PRPF3: variants seen among roughly 807,000 people sequenced by gnomAD.
The protein encoded by PRPF3 is U4/U6 small nuclear ribonucleoprotein Prp3.
PRPF3 carries 3 observed loss-of-function variants against 89.2 expected under a neutral mutation model. The ratio of observed to expected loss-of-function variants is 0.03; its 90% CI spans 0.02 to 0.09. The LOEUF is 0.09. PRPF3 is among the 10% of genes least tolerant of loss of function. The pLI is 1.00. For synonymous variants in PRPF3, 270 were observed against 289.1 expected (o/e 0.93, Z 0.67); for missense variants, 463 against 828.8 (o/e 0.56, Z 5.42).
At chr1:150,321,788 G>A (rs187370593) in intron 1 of PRPF3, among the ~76,000 whole-genome samples, 196 bp downstream of exon 1, 1 of 152,140 alleles carries the variant, frequency 6.6e-6, no homozygotes, top group East Asian at 1.9e-4. Context: ...AGACCGGGTT[G>A]GGAGACCAGC....
intron 4 of PRPF3, among the ~76,000 whole-genome samples, chr1:150,329,196 A>C (rs1448510578): frequency 1.3e-5 from 2 of 151,638 alleles, no homozygotes; most frequent in Non-Finnish European, 2.9e-5. Context: ...CGCCTGGCTA[A>C]TTTTTGTATT....
chr1:150,349,411 GTATT>G (rs1488340656), intron 15 of PRPF3, among the ~76,000 whole-genome samples, 193 bp downstream of exon 15: 2 of 152,184 alleles, frequency 1.3e-5, no homozygotes, highest in African/African-American at 4.8e-5. Flanking sequence ...AAATTCGTGA[GTATT>G]TAGTATATGC....
At chr1:150,341,124 A>G (rs1343807333) in intron 9 of PRPF3, among the ~76,000 whole-genome samples, 6 of 149,682 alleles carry the variant, frequency 4.0e-5, no homozygotes, top group African/African-American at 1.5e-4. Context: ...AAAAAAAAAA[A>G]AAAGAAGAAA....
chr1:150,341,406 T>TC (rs1657707115), intron 9 of PRPF3, among the ~76,000 whole-genome samples: 1 of 145,986 alleles, frequency 6.8e-6, no homozygotes, highest in African/African-American at 2.5e-5. Context: ...TTCTATTTTT[T>TC]TTTTTTTTTT....
In PRPF3 at chr1:150,338,495, G is replaced by GTATTTTTTTTTTTTT. The variant is rs1467846345; in HGVS notation, c.1202+170_1202+171insATTTTTTTTTTTTTT. Reference sequence around the variant, plus strand: ...GATAAGTAACTGTACACAAGGTCCTGTTATTTTTTTTTTTTTTTTTTTTGA... The same window carrying GTATTTTTTTTTTTTT: ...GATAAGTAACTGTACACAAGGTCCTGTATTTTTTTTTTTTTTTATTTTTTTTTTTTTTTTTTTTGA... On this transcript the variant is annotated intron_variant, in intron 8 of 15. Coordinates refer to ENST00000324862, the MANE Select transcript of PRPF3 (RefSeq NM_004698.4). 8.4e-5 allele frequency among the ~76,000 whole-genome samples: 3 copies of GTATTTTTTTTTTTTT among 35,760 alleles called. 1 individual carries two copies. The highest frequency in any genetic ancestry group is 1.7e-4 in the Non-Finnish European group (3 of 17,264). 23.5% of individuals were successfully genotyped at this position (35,760 alleles called of 152,430 possible).
intron 15 of PRPF3, among the ~76,000 whole-genome samples, chr1:150,351,434 T>C (rs1306150247): frequency 1.3e-5 from 2 of 152,180 alleles, no homozygotes; most frequent in Non-Finnish European, 2.9e-5. Flanking sequence ...ACAAATTAGA[T>C]GATAATAACC....
intron 1 of PRPF3, among the ~76,000 whole-genome samples, chr1:150,321,797 G>A (rs1655073639): frequency 6.6e-6 from 1 of 152,076 alleles, no homozygotes; most frequent in African/African-American, 2.4e-5. Context: ...TGGGAGACCA[G>A]CTCTGGGGTG....
intron 3 of PRPF3, among the ~76,000 whole-genome samples, chr1:150,327,100 C>T (rs1321390575): frequency 6.8e-6 from 1 of 147,572 alleles, no homozygotes; most frequent in Admixed American, 6.9e-5. Context: ...GTGAGTCTCA[C>T]TCTGTCGCCC....
At chr1:150,340,575 A>G (rs1385048563) in intron 9 of PRPF3, 98 bp downstream of exon 9, 6 of 898,952 alleles carry the variant, frequency 6.7e-6, no homozygotes, top group Non-Finnish European at 1.1e-5. Flanking sequence ...TGTTCAATAC[A>G]ATAGCCACTA....
At chr1:150,325,727 T>A in intron 2 of PRPF3, 24 bp from the exon 3 acceptor site, 1 of 1,609,166 alleles carries the variant, frequency 6.2e-7, no homozygotes, top group South Asian at 1.1e-5. Flanking sequence ...TTTCCAACCC[T>A]ACCACCGCCT....
rs146995242 is a variant in PRPF3 at position 150,332,761 on chromosome 1, A to G, written c.501A>G (p.Thr167=). ...KKQLSFISPP[T]PQPKTPSSSQ... Reference sequence around the variant, plus strand: ...AGCTGAGCTTCATTAGCCCCCCTACACCTCAGGTATTGTGTCTAGATTACT... The same window carrying G: ...AGCTGAGCTTCATTAGCCCCCCTACGCCTCAGGTATTGTGTCTAGATTACT... The change falls in exon 5 of 16, where the codon ACA becomes ACG. Residue 167 remains threonine (T), a synonymous_variant. Transcript: ENST00000324862. 2.9e-4 allele frequency: 469 copies of G among 1,613,764 alleles called. No homozygotes were observed. Among genetic ancestry groups the G allele is most frequent in the Non-Finnish European group, 3.9e-4 (457 of 1,179,846 alleles).
intron 12 of PRPF3, among the ~76,000 whole-genome samples, 191 bp downstream of exon 12, chr1:150,344,738 A>G (rs1658111432): frequency 6.8e-6 from 1 of 146,200 alleles, no homozygotes; most frequent in African/African-American, 2.6e-5. Context: ...GTTTATGGTT[A>G]CCCAGTTCTT....
In PRPF3 at chr1:150,335,761, G is replaced by A. The variant is rs1396181839; in HGVS notation, c.1035+520G>A. Among the ~76,000 whole-genome samples the A allele has an allele frequency of 1.4e-3, 61 of 42,560 alleles. 1 individual carries two copies. Among genetic ancestry groups the A allele is most frequent in the Admixed American group, 4.0e-4 (1 of 2,530 alleles). The allele number at this position is 42,560 out of a possible 152,430, so 27.9% of individuals were successfully genotyped here. A position where few individuals can be genotyped will look rare whatever the true frequency, so the allele number is the denominator to read the frequency against. On this transcript the variant is annotated intron_variant, in intron 7 of 15. Coordinates refer to ENST00000324862, the MANE Select transcript of PRPF3 (RefSeq NM_004698.4). ...ATTACAGGCGTGAGCCACCGCCCCC[G>A]CCTTTTTTTTTTTTGGGCGGGGAGG...
In PRPF3 at chr1:150,336,021, A is replaced by G. The variant is rs1285768290; in HGVS notation, c.1035+780A>G. On this transcript the variant is annotated intron_variant, in intron 7 of 15. Coordinates refer to ENST00000324862, the MANE Select transcript of PRPF3 (RefSeq NM_004698.4). ...CTGACCTTGTGATCTGCCTGCCTTG[A>G]CCTCCCAAAGTGCTGGGATTATAGG... Among the ~76,000 whole-genome samples the G allele has an allele frequency of 4.6e-5, 6 of 130,960 alleles. No homozygotes were observed. In the East Asian group the frequency reaches 1.1e-3, roughly 25 times the overall value. 85.9% of individuals were successfully genotyped at this position (130,960 alleles called of 152,430 possible).
At chr1:150,332,869 T>G in intron 5 of PRPF3, 102 bp downstream of exon 5, 3 of 1,492,950 alleles carry the variant, frequency 2.0e-6, no homozygotes, top group Non-Finnish European at 2.8e-6. Flanking sequence ...ATGTTTCACT[T>G]CATAATCATC....
intron 10 of PRPF3, among the ~76,000 whole-genome samples, chr1:150,343,923 G>A (rs1233587466): frequency 2.0e-5 from 3 of 152,120 alleles, no homozygotes; most frequent in Non-Finnish European, 2.9e-5. Context: ...TAAGTTCCAC[G>A]TCCTTCATAA....
chr1:150,330,873 C>T (rs587645665), intron 4 of PRPF3, among the ~76,000 whole-genome samples: 74 of 150,748 alleles, frequency 4.9e-4, no homozygotes, highest in African/African-American at 1.5e-3. Context: ...CGCGCCACCA[C>T]GCCTAGCTAA....
chr1:150,349,554 G>T (rs1273143236), intron 15 of PRPF3, among the ~76,000 whole-genome samples: 1 of 152,126 alleles, frequency 6.6e-6, no homozygotes, highest in Non-Finnish European at 1.5e-5. Context: ...ATTTACCTTT[G>T]GATATAGTGA....
At chr1:150,338,040 C>T (rs1392146681) in intron 7 of PRPF3, 120 bp from the exon 8 acceptor site, 2 of 1,087,460 alleles carry the variant, frequency 1.8e-6, no homozygotes, top group East Asian at 2.6e-5. Flanking sequence ...TGCCATTGCA[C>T]TCCAGCCTGG....
Sources: gnomAD v4.1 joint callset for allele counts (sites outside exome capture counted in the v4.1 genomes callset) on GRCh38, gnomAD v4.1.1 for gene constraint, MANE v1.5 for transcripts, NCBI Gene and HGNC (gene_info 2026-07-23, HGNC 2026-07-21) for gene names.